The following GLI3 variants were observed in gnomAD, a reference collection of about 807,000 sequenced individuals.
GLI3 encodes the protein GLI family zinc finger 3.
GLI3 carries 20 observed loss-of-function variants against 100.8 expected under a neutral mutation model. That is an observed-to-expected ratio of 0.20 (90% CI 0.14 to 0.29). The LOEUF (loss-of-function observed/expected upper bound fraction) is 0.29. Among genes scored for constraint, GLI3 ranks in the 10% least tolerant of loss-of-function variants. GLI3 has a pLI of 1.00. For missense variants in GLI3, 2,040 were observed against 2,128.5 expected (o/e 0.96, Z 0.82); for synonymous variants, 938 against 860.5 (o/e 1.09, Z -1.58).
At chr7:42,257,211 T>C (rs1033089558) in intron 1 of GLI3, among the ~76,000 whole-genome samples, 59 of 152,008 alleles carry the variant, frequency 3.9e-4, no homozygotes, top group African/African-American at 1.3e-3. Flanking sequence ...ACTAAGAGAG[T>C]TTTACTTCTC....
chr7:42,130,348 A>C (rs1435495374), intron 3 of GLI3, among the ~76,000 whole-genome samples: 1 of 152,220 alleles, frequency 6.6e-6, no homozygotes, highest in Non-Finnish European at 1.5e-5. Flanking sequence ...TTTTATGAGG[A>C]GAAAAAAGGA....
chr7:42,000,648 T>TA (rs1788260778), intron 10 of GLI3, among the ~76,000 whole-genome samples: 1 of 151,830 alleles, frequency 6.6e-6, no homozygotes, highest in South Asian at 2.1e-4. Context: ...ATGATGCCTA[T>TA]AAAAAAAGAA....
At chr7:42,072,984 G>A (rs753611831) in intron 4 of GLI3, among the ~76,000 whole-genome samples, 1 of 152,120 alleles carries the variant, frequency 6.6e-6, no homozygotes, top group Non-Finnish European at 1.5e-5. Context: ...ATAACTTTCC[G>A]AGGAAACGGG....
intron 2 of GLI3, among the ~76,000 whole-genome samples, chr7:42,209,764 G>A (rs1788224642): frequency 6.6e-6 from 1 of 150,758 alleles, no homozygotes; most frequent in African/African-American, 2.4e-5. Flanking sequence ...ATCACATCAT[G>A]TTGTATATGA....
At position 42,023,570 on chromosome 7, in the gene GLI3, C is replaced by T; in HGVS notation, c.1395G>A (p.Gly465=). 2 of 1,613,730 alleles carry T rather than the reference C, an allele frequency of 1.2e-6. No individual in the cohort carries two copies. The highest frequency in any genetic ancestry group is 1.7e-6 in the Non-Finnish European group (2 of 1,179,780). ...GCTCCTGTTTGCTTTCATCTTTGTC[C>T]CCTTCCTCCTTGACAAGGGTTGTTC... ...PEGTTLVKEE[G]DKDESKQEPE... is the part of the protein sequence containing the mutation. The change falls in exon 10 of 15, where the codon GGG becomes GGA. Residue 465 remains glycine (G), a synonymous_variant. Coordinates refer to ENST00000395925, the MANE Select transcript of GLI3 (RefSeq NM_000168.6).
chr7:42,062,301 CT>C (rs1253787050), intron 4 of GLI3, among the ~76,000 whole-genome samples: 1 of 152,206 alleles, frequency 6.6e-6, no homozygotes. Context: ...CTTGAATACA[CT>C]TTTGTTTAAA....
chr7:42,172,643 A>G (rs1260446995), intron 2 of GLI3: 1 of 702,990 alleles, frequency 1.4e-6, no homozygotes, highest in East Asian at 2.7e-5. Flanking sequence ...GGATGCATCC[A>G]ATCCTCCTGG....
chr7:42,152,893 C>T (rs1299878367), intron 2 of GLI3, among the ~76,000 whole-genome samples: 2 of 152,094 alleles, frequency 1.3e-5, no homozygotes, highest in East Asian at 3.9e-4. Flanking sequence ...TTTTTCTTTG[C>T]CAGAATTTGC....
At chr7:41,975,487 T>G (rs1347305821) in intron 12 of GLI3, among the ~76,000 whole-genome samples, 1 of 152,230 alleles carries the variant, frequency 6.6e-6, no homozygotes, top group African/African-American at 2.4e-5. Context: ...AAGTATAATT[T>G]GTTTGTAAAT....
At chr7:42,160,457 C>T (rs1014620283) in intron 2 of GLI3, among the ~76,000 whole-genome samples, 1 of 152,202 alleles carries the variant, frequency 6.6e-6, no homozygotes, top group Non-Finnish European at 1.5e-5. Flanking sequence ...ATATCCATAG[C>T]CTTGGGGTCA....
In GLI3 at chr7:41,966,590, G is replaced by A. The variant is rs1481839480; in HGVS notation, c.2483C>T (p.Pro828Leu). ...CACCCCAGAGAGGTCGCTTCTGCCC[G>A]GGAGAAGCGTCATGGGCCCACCCAA... ...CSLGGPMTLL[P>L]GRSDLSGVDV... Residue 828 changes from proline to leucine, a missense_variant, in exon 15 of 15, where the codon CCG (proline) becomes CTG (leucine). Transcript: ENST00000395925. This position sits in a 1 kb window ranked among gnomAD's most constrained non-coding sequence, Gnocchi z 5.8. 6 of 1,613,954 alleles carry A rather than the reference G, an allele frequency of 3.7e-6. No homozygotes were observed. The highest frequency in any genetic ancestry group is 1.1e-5 in the South Asian group (1 of 91,070).
In GLI3 at chr7:42,020,889, C is replaced by CAAAAAAA. The variant is rs371389453; in HGVS notation, c.1497+2572_1497+2578dup. Among the ~76,000 whole-genome samples, 110 of 113,096 alleles carry CAAAAAAA rather than the reference C, an allele frequency of 9.7e-4. 1 individual carries two copies. The highest frequency in any genetic ancestry group is 3.7e-3 in the African/African-American group (109 of 29,180). 74.2% of individuals were successfully genotyped at this position (113,096 alleles called of 152,430 possible). On this transcript the variant is annotated intron_variant, in intron 10 of 14. Transcript: ENST00000395925. ...TGGGCGACAGAGCGAGACTCCGTCT[C>CAAAAAAA]AAAAAAAAAAAAAAAAAAAAAAAAA...
chr7:42,095,240 G>A (rs913886413), intron 3 of GLI3, among the ~76,000 whole-genome samples: 6 of 152,196 alleles, frequency 3.9e-5, no homozygotes, highest in Non-Finnish European at 8.8e-5. Flanking sequence ...CTGGGGTGGA[G>A]CCTGAGAATT....
At chr7:42,262,248 T>TTCCTTC (rs1554345663) in intron 1 of GLI3, among the ~76,000 whole-genome samples, 2 of 29,650 alleles carry the variant, frequency 6.7e-5, no homozygotes, top group African/African-American at 1.5e-4. Context: ...TTCCTTCCTT[T>TTCCTTC]CTTCCTCCCT....
At chr7:42,083,705 T>C (rs1364078645) in intron 3 of GLI3, among the ~76,000 whole-genome samples, 2 of 152,242 alleles carry the variant, frequency 1.3e-5, no homozygotes, top group Non-Finnish European at 2.9e-5. Flanking sequence ...TATTGTGTTG[T>C]CTAAGCGATA....
At chr7:42,251,683 C>T (rs1789033914) in intron 1 of GLI3, among the ~76,000 whole-genome samples, 1 of 152,062 alleles carries the variant, frequency 6.6e-6, no homozygotes, top group South Asian at 2.1e-4. Context: ...ATGTGTATGG[C>T]CTCAATTATG....
intron 3 of GLI3, among the ~76,000 whole-genome samples, chr7:42,112,681 A>C (rs917117701): frequency 2.0e-4 from 31 of 152,182 alleles, no homozygotes; most frequent in African/African-American, 7.0e-4. Context: ...ACATTCTTTC[A>C]ACTAATAACT....
intron 2 of GLI3, among the ~76,000 whole-genome samples, chr7:42,167,123 G>A (rs576163795): frequency 3.3e-5 from 5 of 152,178 alleles, no homozygotes; most frequent in African/African-American, 1.2e-4. Flanking sequence ...CACTGTGCCT[G>A]GCCTGGTTCT....
At chr7:42,105,987 T>C (rs1785565723) in intron 3 of GLI3, among the ~76,000 whole-genome samples, 1 of 152,206 alleles carries the variant, frequency 6.6e-6, no homozygotes, top group Non-Finnish European at 1.5e-5. Flanking sequence ...TGAACCTTCC[T>C]TTTAGCCCCT....
Sources: gnomAD v4.1 joint callset for allele counts (sites outside exome capture counted in the v4.1 genomes callset) on GRCh38, gnomAD v4.1.1 for gene constraint, Gnocchi (gnomAD v3.1) non-coding constraint, MANE v1.5 for transcripts, NCBI Gene and HGNC (gene_info 2026-07-23, HGNC 2026-07-21) for gene names.